The following TUB variants were observed in gnomAD, a reference collection of about 807,000 sequenced individuals.
The protein encoded by TUB is tubby protein homolog.
Under a neutral mutation model 59.7 loss-of-function variants are expected in TUB, and 33 were observed. The observed-to-expected ratio is 0.55, with a 90% CI of 0.42 to 0.74. The LOEUF is 0.74. Ranked by LOEUF, TUB falls within the 30% of genes least tolerant of loss-of-function variation. The pLI, the probability that TUB is intolerant of heterozygous loss-of-function variation, is 0.00. For synonymous variants in TUB, 293 were observed against 256.4 expected (o/e 1.14, Z -1.36); for missense variants, 659 against 672.0 (o/e 0.98, Z 0.21).
intron 1 of TUB, among the ~76,000 whole-genome samples, chr11:8,083,839 G>C (rs1943616252): frequency 6.6e-6 from 1 of 152,202 alleles, no homozygotes; most frequent in Non-Finnish European, 1.5e-5. Flanking sequence ...GCCCTGCTGG[G>C]GTCTTTCTGG....
intron 1 of TUB, among the ~76,000 whole-genome samples, chr11:8,025,790 T>C (rs1942492670): frequency 6.6e-6 from 1 of 152,240 alleles, no homozygotes; most frequent in Non-Finnish European, 1.5e-5. Flanking sequence ...GGTCTTTGTA[T>C]GGACGTATAC....
chr11:8,045,142 A>G (rs528898245), intron 2 of TUB, among the ~76,000 whole-genome samples: 11 of 152,176 alleles, frequency 7.2e-5, no homozygotes, highest in African/African-American at 2.2e-4. Context: ...CTCTAATCAC[A>G]TGGTTGGTTC....
intron 2 of TUB, among the ~76,000 whole-genome samples, chr11:8,049,841 A>C (rs920357825): frequency 1.3e-5 from 2 of 152,108 alleles, no homozygotes; most frequent in African/African-American, 4.8e-5. Flanking sequence ...TTTTAATTGA[A>C]GTATATATAG....
chr11:8,068,957 T>A (rs911243378), intron 2 of TUB: 1 of 151,908 alleles, frequency 6.6e-6, no homozygotes, highest in Non-Finnish European at 1.5e-5. Context: ...AAGATCTGAG[T>A]TTCTTTCTGC....
chr11:8,035,009 G>A (rs185636853), upstream of TUB, among the ~76,000 whole-genome samples: 430 of 152,332 alleles, frequency 2.8e-3, 3 homozygotes, highest in Non-Finnish European at 2.2e-3. Context: ...CGCATGATGC[G>A]TTTTCAATGG....
upstream of TUB, among the ~76,000 whole-genome samples, chr11:8,037,300 G>C (rs2133723668): frequency 6.6e-6 from 1 of 152,340 alleles, no homozygotes; most frequent in African/African-American, 2.4e-5. Context: ...CTTTCTCTGA[G>C]CCTGATTTTC....
intron 9 of TUB, 42 bp downstream of exon 9, chr11:8,098,917 A>G (rs761728489): frequency 3.4e-6 from 5 of 1,450,166 alleles, no homozygotes; most frequent in East Asian, 2.3e-5. Context: ...CAAGGTAGAT[A>G]TGAAATCCAG....
chr11:8,085,386 A>T (rs1328917929), intron 1 of TUB, among the ~76,000 whole-genome samples: 4 of 152,198 alleles, frequency 2.6e-5, no homozygotes, highest in African/African-American at 9.7e-5. Context: ...TGCTGGCTGG[A>T]ATGGGGACGG....
chr11:8,041,119 G>C (rs1266523694), intron 2 of TUB, among the ~76,000 whole-genome samples: 1 of 152,222 alleles, frequency 6.6e-6, no homozygotes, highest in African/African-American at 2.4e-5. Flanking sequence ...GAAGTTCTGA[G>C]CATAGTGTGA....
upstream of TUB, among the ~76,000 whole-genome samples, chr11:8,037,759 G>A (rs1942672195): frequency 6.6e-6 from 1 of 152,184 alleles, no homozygotes; most frequent in South Asian, 2.1e-4. Context: ...AGGATCATCG[G>A]GCGGACTAAA....
chr11:8,020,223 C>T (rs1023962531), intron 1 of TUB, among the ~76,000 whole-genome samples: 5 of 152,266 alleles, frequency 3.3e-5, no homozygotes, highest in Middle Eastern at 3.4e-3. Flanking sequence ...ACCCCAAGTC[C>T]ATCTGCAGAA....
intron 2 of TUB, among the ~76,000 whole-genome samples, chr11:8,050,612 C>G (rs1942919133): frequency 6.6e-6 from 1 of 152,132 alleles, no homozygotes; most frequent in Non-Finnish European, 1.5e-5. Context: ...TAATCTTTTA[C>G]TTATTCACCC....
At chr11:8,090,307 C>T (rs374845243) in intron 3 of TUB, 76 bp downstream of exon 3, 32 of 1,547,054 alleles carry the variant, frequency 2.1e-5, no homozygotes, top group African/African-American at 4.1e-5. Flanking sequence ...TAGGCAGGTG[C>T]GGACTGGTCC....
chr11:8,034,862 A>G (rs1942625153), upstream of TUB, among the ~76,000 whole-genome samples: 2 of 152,192 alleles, frequency 1.3e-5, no homozygotes, highest in Non-Finnish European at 2.9e-5. Flanking sequence ...GAGGGGGTCC[A>G]TGTGCATGCT....
chr11:8,039,175 C>A, intron 1 of TUB: 1 of 1,070,744 alleles, frequency 9.3e-7, no homozygotes, highest in Non-Finnish European at 1.3e-6. Context: ...TGGAGCCCCA[C>A]AGGTATATCC....
intron 9 of TUB, among the ~76,000 whole-genome samples, chr11:8,099,763 G>A (rs1944174824): frequency 6.6e-6 from 1 of 152,154 alleles, no homozygotes; most frequent in South Asian, 2.1e-4. Flanking sequence ...TGGCAGGGAG[G>A]GCGTCACTGA....
chr11:8,097,795 CGAG>C lies in TUB; in HGVS notation c.972_974del (p.Gly325del). On this transcript the variant is annotated inframe_deletion, in exon 8 of 12. Transcript: ENST00000299506. ...CTCTGTGGACCCAACAGACTTGTCT[CGAG>C]GAGGGGACAGCTATATCGGGAAACT... 2 of 1,613,870 alleles carry C rather than the reference CGAG, an allele frequency of 1.2e-6. No individual in the cohort carries two copies. Among genetic ancestry groups the C allele is most frequent in the African/African-American group, 2.7e-5 (2 of 74,996 alleles).
At chr11:8,091,563 T>G (rs1943776870) in intron 3 of TUB, among the ~76,000 whole-genome samples, 1 of 152,188 alleles carries the variant, frequency 6.6e-6, no homozygotes, top group Non-Finnish European at 1.5e-5. Flanking sequence ...AACCCAGACC[T>G]AACAGACGCC....
Position 8,104,510 on chromosome 11 carries a change from T to G in TUB, c.*2891T>G, listed in dbSNP as rs1171571459. 1 of 152,262 alleles carries G rather than the reference T, an allele frequency of 6.6e-6. No homozygotes were observed. The highest frequency in any genetic ancestry group is 2.4e-5 in the African/African-American group (1 of 41,474). The allele number at this position is 152,262 out of a possible 1,614,324, so 9.4% of individuals were successfully genotyped here. A position where few individuals can be genotyped will look rare whatever the true frequency, so the allele number is the denominator to read the frequency against. ...CTGAGGTTTCTTAATTGTGATTATATTCCTGAGAATGAATGAGTAGGAAAG... is the reference window on the plus strand; with the variant it reads ...CTGAGGTTTCTTAATTGTGATTATAGTCCTGAGAATGAATGAGTAGGAAAG... On this transcript the variant is annotated 3_prime_UTR_variant, in exon 12 of 12. Transcript: ENST00000299506.
Sources: gnomAD v4.1 joint callset for allele counts (sites outside exome capture counted in the v4.1 genomes callset) on GRCh38, gnomAD v4.1.1 for gene constraint, MANE v1.5 for transcripts, NCBI Gene and HGNC (gene_info 2026-07-23, HGNC 2026-07-21) for gene names.